The following EPHA6 variants were observed in gnomAD, a reference collection of about 807,000 sequenced individuals.
EPHA6 encodes ephrin type-A receptor 6.
A neutral mutation model predicts 112.0 loss-of-function variants in EPHA6; 50 were observed. The observed-to-expected ratio is 0.45, with a 90% CI of 0.36 to 0.56. EPHA6 has a LOEUF of 0.56. Ranked by LOEUF, EPHA6 falls within the 20% of genes least tolerant of loss-of-function variation. The pLI, the probability that EPHA6 is intolerant of heterozygous loss-of-function variation, is 0.00. For synonymous variants in EPHA6, 529 were observed against 490.7 expected (o/e 1.08, Z -1.03); for missense variants, 1,280 against 1,417.4 (o/e 0.90, Z 1.56).
chr3:97,136,221 G>A (rs1274918353), intron 3 of EPHA6, among the ~76,000 whole-genome samples: 1 of 152,158 alleles, frequency 6.6e-6, no homozygotes, highest in African/African-American at 2.4e-5. Flanking sequence ...AACCTATTAT[G>A]AGTCAGCAAA....
chr3:97,586,079 C>T (rs1252751757), intron 11 of EPHA6, among the ~76,000 whole-genome samples: 1 of 152,148 alleles, frequency 6.6e-6, no homozygotes, highest in African/African-American at 2.4e-5. Flanking sequence ...TAGATCCTAG[C>T]AAAATATTTG....
intron 3 of EPHA6, among the ~76,000 whole-genome samples, chr3:97,125,866 T>G (rs1311332090): frequency 6.6e-6 from 1 of 152,170 alleles, no homozygotes; most frequent in African/African-American, 2.4e-5. Context: ...TCAGATTGTT[T>G]TAGAGTATTC....
At chr3:97,657,072 C>G (rs1055258989) in intron 14 of EPHA6, among the ~76,000 whole-genome samples, 6 of 151,830 alleles carry the variant, frequency 4.0e-5, no homozygotes, top group Non-Finnish European at 8.8e-5. Context: ...AGGCCTGGTC[C>G]TTAATTTTCT....
intron 14 of EPHA6, among the ~76,000 whole-genome samples, chr3:97,657,132 T>G (rs1436840544): frequency 6.6e-6 from 1 of 151,964 alleles, no homozygotes; most frequent in Non-Finnish European, 1.5e-5. Flanking sequence ...TCCAAATGTT[T>G]GTTTTTCCTG....
chr3:97,714,061 A>T (rs776642764), intron 14 of EPHA6, among the ~76,000 whole-genome samples: 3 of 152,154 alleles, frequency 2.0e-5, no homozygotes, highest in Non-Finnish European at 4.4e-5. Context: ...TTGACTTTGC[A>T]CCTCTGACTC....
At chr3:97,496,640 T>G (rs1296854856) in intron 10 of EPHA6, among the ~76,000 whole-genome samples, 1 of 152,182 alleles carries the variant, frequency 6.6e-6, no homozygotes, top group Non-Finnish European at 1.5e-5. Flanking sequence ...TCACCTATCT[T>G]AGGTGAATTT....
chr3:97,483,154 A>G (rs146448852), intron 9 of EPHA6, among the ~76,000 whole-genome samples: 3 of 152,332 alleles, frequency 2.0e-5, no homozygotes, highest in Non-Finnish European at 2.9e-5. Context: ...GAGGCAGTCT[A>G]TGACTTCTTC....
At chr3:97,362,352 A>G (rs2084417358) in intron 5 of EPHA6, among the ~76,000 whole-genome samples, 1 of 152,154 alleles carries the variant, frequency 6.6e-6, no homozygotes. Context: ...TAAAAATCAC[A>G]ATACATTATA....
At chr3:96,954,256 T>A (rs1221560782) in intron 2 of EPHA6, among the ~76,000 whole-genome samples, 2 of 152,152 alleles carry the variant, frequency 1.3e-5, no homozygotes, top group Non-Finnish European at 2.9e-5. Flanking sequence ...GTAAGCCAGA[T>A]CTTGCCATTC....
intron 14 of EPHA6, among the ~76,000 whole-genome samples, chr3:97,690,912 A>C (rs1434188749): frequency 6.6e-6 from 1 of 152,208 alleles, no homozygotes; most frequent in Non-Finnish European, 1.5e-5. Flanking sequence ...TTTTCTTGAC[A>C]GTTCCACTTG....
chr3:97,252,655 G>A (rs2079176714), intron 5 of EPHA6, among the ~76,000 whole-genome samples: 2 of 152,148 alleles, frequency 1.3e-5, no homozygotes, highest in African/African-American at 2.4e-5. Context: ...AAGAGTGGGG[G>A]AGTGTGCCAG....
At position 97,251,223 on chromosome 3, in the gene EPHA6, C is replaced by A. The variant is rs2079128332; in HGVS notation, c.1606+6936C>A. ...TAAATATCCATAAGGATTAAAATAG[C>A]ATTAATGTGTAAGAATAAAACAAAA... On this transcript the variant is annotated intron_variant, in intron 5 of 17. Transcript: ENST00000389672. Among the ~76,000 whole-genome samples the A allele has an allele frequency of 2.0e-5, 3 of 151,638 alleles. No individual in the cohort carries two copies. The South Asian group carries it at 6.4e-4, about 32-fold the overall frequency.
chr3:97,585,313 C>T (rs1257248595), intron 11 of EPHA6, among the ~76,000 whole-genome samples: 1 of 152,092 alleles, frequency 6.6e-6, no homozygotes, highest in Non-Finnish European at 1.5e-5. Flanking sequence ...TAAAACCTAC[C>T]TTTCAATATG....
intron 11 of EPHA6, among the ~76,000 whole-genome samples, chr3:97,549,930 A>G (rs1432424015): frequency 6.6e-6 from 1 of 152,224 alleles, no homozygotes; most frequent in Non-Finnish European, 1.5e-5. Flanking sequence ...TATTCATTAC[A>G]TATGTGAAAA....
intron 2 of EPHA6, among the ~76,000 whole-genome samples, chr3:96,934,153 A>G (rs1263543991): frequency 6.6e-6 from 1 of 151,960 alleles, no homozygotes; most frequent in Non-Finnish European, 1.5e-5. Flanking sequence ...GGGCAAGTAA[A>G]TTTACACATA....
intron 3 of EPHA6, among the ~76,000 whole-genome samples, chr3:97,078,784 C>T (rs1285900517): frequency 2.0e-5 from 3 of 152,174 alleles, no homozygotes; most frequent in Non-Finnish European, 2.9e-5. Flanking sequence ...TGTGATAAAA[C>T]TTGAATGGAT....
At chr3:97,278,399 C>G (rs2080170440) in intron 5 of EPHA6, among the ~76,000 whole-genome samples, 1 of 152,120 alleles carries the variant, frequency 6.6e-6, no homozygotes, top group Non-Finnish European at 1.5e-5. Flanking sequence ...TTCATTTTTG[C>G]ATAAAGGTTT....
intron 1 of EPHA6, among the ~76,000 whole-genome samples, chr3:96,863,782 CTATATAAAACT>C (rs949744199): frequency 6.6e-6 from 1 of 151,748 alleles, no homozygotes; most frequent in African/African-American, 2.4e-5. Context: ...GTCATAATTC[CTATATAAAACT>C]TATAAAAAGG....
intron 14 of EPHA6, among the ~76,000 whole-genome samples, chr3:97,646,610 C>G (rs187509309): frequency 2.0e-5 from 3 of 152,224 alleles, no homozygotes; most frequent in East Asian, 3.9e-4. Flanking sequence ...AAAGGACTCC[C>G]ATTCCATGAG....
Sources: gnomAD v4.1 joint callset for allele counts (sites outside exome capture counted in the v4.1 genomes callset) on GRCh38, gnomAD v4.1.1 for gene constraint, MANE v1.5 for transcripts, NCBI Gene and HGNC (gene_info 2026-07-23, HGNC 2026-07-21) for gene names.